The following PTGS1 variants were observed in gnomAD, a reference collection of about 807,000 sequenced individuals.
PTGS1 encodes prostaglandin-endoperoxide synthase 1.
PTGS1 carries 40 observed loss-of-function variants against 63.0 expected under a neutral mutation model. The observed-to-expected ratio is 0.63, with a 90% confidence interval of 0.49 to 0.83. PTGS1 has a LOEUF of 0.83. Among genes scored for constraint, PTGS1 ranks in the 40% least tolerant of loss-of-function variants. The pLI, the probability that PTGS1 is intolerant of heterozygous loss-of-function variation, is 0.00. For synonymous variants in PTGS1, 298 were observed against 301.9 expected, an observed-to-expected ratio of 0.99 and a Z score of 0.13; for missense variants, 709 against 786.5, an observed-to-expected ratio of 0.90 and a Z score of 1.18.
chr9:122,378,323 G>T, intron 3 of PTGS1, 110 bp from the exon 4 acceptor site: 1 of 1,459,086 alleles, frequency 6.9e-7, no homozygotes, highest in Non-Finnish European at 9.4e-7. Context: ...TTCCCCATAG[G>T]TGCTACTCTG....
upstream of PTGS1, chr9:122,370,641 A>C: frequency 4.1e-6 from 1 of 244,418 alleles, no homozygotes; most frequent in Non-Finnish European, 8.0e-6. Flanking sequence ...TTTCTTCTCT[A>C]CCCTTTTCTG....
At chr9:122,381,176 T>C (rs531381687) in intron 5 of PTGS1, among the ~76,000 whole-genome samples, 195 bp from the exon 6 acceptor site, 1 of 152,322 alleles carries the variant, frequency 6.6e-6, no homozygotes, top group East Asian at 1.9e-4. Flanking sequence ...ATTCTAAAAA[T>C]CATGCCACTT....
In PTGS1 at chr9:122,393,529, C is replaced by T. The variant is rs1564150997; in HGVS notation, c.*985C>T. 6.6e-6 allele frequency: 1 copy of T among 152,236 alleles called. No homozygotes were observed. Among genetic ancestry groups the T allele is most frequent in the Non-Finnish European group, 1.5e-5 (1 of 68,090 alleles). The allele number at this position is 152,236 out of a possible 1,614,324, so 9.4% of individuals were successfully genotyped here. A position where few individuals can be genotyped will look rare whatever the true frequency, so the allele number is the denominator to read the frequency against. On this transcript the variant is annotated 3_prime_UTR_variant, in exon 11 of 11. Transcript: ENST00000362012. ...GAAGCTCTCTTAAAATACCCATTGC[C>T]CCAGACCTGGAAGATATAACATTCA... is the stretch of plus-strand genomic sequence containing the variant.
rs758946951 is a variant in PTGS1 at position 122,378,830 on chromosome 9, C to T, written c.408C>T (p.Ile136=). ...CCTACAACTCAGCACATGACTACAT[C>T]AGCTGGGAGTCTTTCTCCAACGTGA... is the stretch of plus-strand genomic sequence containing the variant. The part of the protein sequence containing the change: ...PPTYNSAHDY[I]SWESFSNVSY... The change falls in exon 5 of 11, where the codon ATC becomes ATT. Residue 136 remains isoleucine, a synonymous_variant. Transcript: ENST00000362012. 3 of 1,614,224 alleles carry T rather than the reference C, an allele frequency of 1.9e-6. No individual in the cohort carries two copies. The highest frequency in any genetic ancestry group is 2.5e-6 in the Non-Finnish European group (3 of 1,180,020).
At position 122,392,424 on chromosome 9, in the gene PTGS1, G is replaced by T. The variant is rs199581775; in HGVS notation, c.1680G>T (p.Thr560=). 1 of 1,613,996 alleles carries T rather than the reference G, an allele frequency of 6.2e-7. No homozygotes were observed. The highest frequency in any genetic ancestry group is 2.2e-5 in the East Asian group (1 of 44,886). ...AGGTGGGCTTTAACATTGTCAAGAC[G>T]GCCACACTGAAGAAGCTGGTCTGCC... The part of the protein sequence containing the change: ...GGEVGFNIVK[T]ATLKKLVCLN... The change falls in exon 11 of 11, where the codon ACG becomes ACT. Residue 560 remains threonine, a synonymous_variant. Coordinates refer to ENST00000362012, the MANE Select transcript of PTGS1 (RefSeq NM_000962.4).
In PTGS1 at chr9:122,392,206, G is replaced by A; in HGVS notation, c.1462G>A (p.Ala488Thr). Residue 488 changes from alanine to threonine, a missense_variant, in exon 11 of 11, where the codon GCA becomes ACA. By Grantham distance (58) the Ala-to-Thr change is moderately conservative. Coordinates refer to ENST00000362012, the MANE Select transcript of PTGS1 (RefSeq NM_000962.4). Reference protein sequence around the residue: ...QELVGEKEMAAELEELYGDID... With the variant: ...QELVGEKEMATELEELYGDID... ...CCTTGTAGGAGAGAAGGAGATGGCA[G>A]CAGAGTTGGAGGAATTGTATGGAGA... 6.3e-7 allele frequency: 1 copy of A among 1,590,954 alleles called. No homozygotes were observed. Among genetic ancestry groups the A allele is most frequent in the Non-Finnish European group, 8.6e-7 (1 of 1,163,348 alleles).
rs756576489 is a variant in PTGS1 at position 122,383,563 on chromosome 9, C to T, written c.817C>T (p.His273Tyr). Reference sequence around the variant, plus strand: ...GGTAGAAGAGGCGCCTGTGTTGATGCACTACCCCCGAGGCATCCCGCCCCA... The same window carrying T: ...GGTAGAAGAGGCGCCTGTGTTGATGTACTACCCCCGAGGCATCCCGCCCCA... ...PSVEEAPVLM[H>Y]YPRGIPPQSQ... The change falls in exon 8 of 11, where the codon CAC becomes TAC. Residue 273 changes from histidine (H) to tyrosine (Y), a missense_variant. Physicochemically the swap from His to Tyr is moderately conservative, Grantham distance 83. Transcript: ENST00000362012. 6.8e-6 allele frequency: 11 copies of T among 1,614,084 alleles called. No homozygotes were observed. The highest frequency in any genetic ancestry group is 2.2e-5 in the East Asian group (1 of 44,866).
In PTGS1 at chr9:122,381,561, C is replaced by T. The variant is rs776442829; in HGVS notation, c.678+9C>T. 5.0e-6 allele frequency: 8 copies of T among 1,613,950 alleles called. No individual in the cohort carries two copies. In the Admixed American group the frequency reaches 6.7e-5, roughly 13 times the overall value. ...AGGCCTTGGGCCATGGGGTGAGTAC[C>T]TAGGAGGGGCTCAGGACTGCTCTGG... On this transcript the variant is annotated intron_variant, in intron 6 of 10. Coordinates refer to ENST00000362012, the MANE Select transcript of PTGS1 (RefSeq NM_000962.4).
chr9:122,370,653 A>G (rs1186248119), upstream of PTGS1: 2 of 280,524 alleles, frequency 7.1e-6, no homozygotes, highest in Non-Finnish European at 1.4e-5. Flanking sequence ...CCTTTTCTGT[A>G]GAGTGCGTTA....
intron 8 of PTGS1, among the ~76,000 whole-genome samples, 194 bp from the exon 9 acceptor site, chr9:122,386,252 G>A (rs1837865610): frequency 6.6e-6 from 1 of 152,104 alleles, no homozygotes; most frequent in Non-Finnish European, 1.5e-5. Flanking sequence ...GAAGTGAGCT[G>A]TAATTATACC....
In PTGS1 at chr9:122,378,440, G is replaced by T; in HGVS notation, c.219G>T (p.Leu73=). 6.2e-7 allele frequency: 1 copy of T among 1,613,852 alleles called. No individual in the cohort carries two copies. Reference sequence around the variant, plus strand: ...CTGCCATTGCCCCTGCAGCTGGCCTGTGGACCTGGCTCCGGAATTCACTGC... The same window carrying T: ...CTGCCATTGCCCCTGCAGCTGGCCTTTGGACCTGGCTCCGGAATTCACTGC... ...YSGPNCTIPG[L]WTWLRNSLRP... is the part of the protein sequence containing the mutation. The change falls in exon 4 of 11, where the codon CTG becomes CTT. Residue 73 remains leucine (L), a synonymous_variant. Coordinates refer to ENST00000362012, the MANE Select transcript of PTGS1 (RefSeq NM_000962.4).
chr9:122,388,361 A>C (rs1564144183), intron 9 of PTGS1, among the ~76,000 whole-genome samples: 1 of 152,188 alleles, frequency 6.6e-6, no homozygotes, highest in Non-Finnish European at 1.5e-5. Context: ...AGTGATGATA[A>C]GACAGGGCTT....
In PTGS1 at chr9:122,377,759, T is replaced by C. The variant is rs1588123317; in HGVS notation, c.95-140T>C. On this transcript the variant is annotated intron_variant, in intron 2 of 10. Transcript: ENST00000362012. ...AACAGGGGTCCCCTTGGGGGAACCC[T>C]GAAGCCCTGGCACCCAGTGATTCAG... The C allele has an allele frequency of 8.4e-6, 6 of 714,716 alleles. No homozygotes were observed. In the East Asian group the frequency reaches 1.3e-4, roughly 16 times the overall value. The allele number at this position is 714,716 out of a possible 1,614,324, so 44.3% of individuals were successfully genotyped here. A position where few individuals can be genotyped will look rare whatever the true frequency, so the allele number is the denominator to read the frequency against.
intron 2 of PTGS1, among the ~76,000 whole-genome samples, chr9:122,377,050 C>T (rs542978745): frequency 6.6e-6 from 1 of 152,344 alleles, no homozygotes; most frequent in Non-Finnish European, 1.5e-5. Flanking sequence ...TTCCCTTGGT[C>T]TGTGACCTTC....
chr9:122,373,381 A>G (rs1213263), intron 2 of PTGS1, among the ~76,000 whole-genome samples: 143,829 of 152,210 alleles, frequency 0.94, 68,037 homozygotes, highest in East Asian at 0.99. Flanking sequence ...CCTGTCTTTT[A>G]CCTCTAGAGG....
At position 122,378,925 on chromosome 9, in the gene PTGS1, T is replaced by C. The variant is rs780607958; in HGVS notation, c.496+7T>C. ...ACACCCATGGGAACCAAAGGTAAAA[T>C]GGGGTGAGGAGCTGGGCCTGGGGAT... On this transcript the variant is annotated splice_region_variant and intron_variant, in intron 5 of 10. Coordinates refer to ENST00000362012, the MANE Select transcript of PTGS1 (RefSeq NM_000962.4). 7.4e-6 allele frequency: 12 copies of C among 1,613,926 alleles called. No individual in the cohort carries two copies. Among genetic ancestry groups the C allele is most frequent in the Non-Finnish European group, 9.3e-6 (11 of 1,179,954 alleles).
chr9:122,383,613 G>A lies in PTGS1; in HGVS notation c.867G>A (p.Glu289=). 1 of 1,614,188 alleles carries A rather than the reference G, an allele frequency of 6.2e-7. No homozygotes were observed. The highest frequency in any genetic ancestry group is 8.5e-7 in the Non-Finnish European group (1 of 1,180,038). Residue 289 remains glutamate, a synonymous_variant, in exon 8 of 11, where the codon GAG becomes GAA. Transcript: ENST00000362012. ...AGAGCCAGATGGCTGTGGGCCAGGA[G>A]GTGTTTGGGCTGCTTCCTGGGCTCA... is the stretch of plus-strand genomic sequence containing the variant. The part of the protein sequence containing the change: ...PPQSQMAVGQ[E]VFGLLPGLML...
intron 7 of PTGS1, 22 bp from the exon 8 acceptor site, chr9:122,383,487 G>T: frequency 6.3e-7 from 1 of 1,579,308 alleles, no homozygotes; most frequent in Non-Finnish European, 8.6e-7. Context: ...ACCCCAGGTT[G>T]CCAGGTGGCC....
At chr9:122,373,320 C>T (rs753040543) in intron 2 of PTGS1, among the ~76,000 whole-genome samples, 4 of 152,074 alleles carry the variant, frequency 2.6e-5, no homozygotes, top group Admixed American at 6.5e-5. Flanking sequence ...TCCAAGTCTG[C>T]GAGTAAACTG....
Sources: allele counts gnomAD v4.1 joint callset (sites outside exome capture counted in the v4.1 genomes callset), GRCh38; gene constraint gnomAD v4.1.1; transcripts MANE v1.5; gene names NCBI Gene and HGNC (gene_info 2026-07-23, HGNC 2026-07-21).